Variants in C2CD2L observed in about 807,000 individuals in gnomAD.
C2CD2L encodes the protein C2CD2 like, also known as phospholipid transfer protein C2CD2L.
Under a neutral mutation model 69.9 loss-of-function variants are expected in C2CD2L, and 24 were observed. The observed-to-expected ratio is 0.34, with a 90% CI of 0.25 to 0.48. The LOEUF is 0.48. Among genes scored for constraint, C2CD2L ranks in the 20% least tolerant of loss-of-function variants. C2CD2L has a pLI of 0.99. For missense variants in C2CD2L, 811 were observed against 941.5 expected (o/e 0.86, Z 1.81); for synonymous variants, 367 against 391.0 (o/e 0.94, Z 0.72).
Position 119,116,155 on chromosome 11 carries a change from A to G in C2CD2L, c.2020A>G (p.Ser674Gly), listed in dbSNP as rs1207681002. ...DDLSNATATP[S>G]VRKKAGSFSR... Reference sequence around the variant, plus strand: ...CCTCTCCAACGCAACGGCCACGCCCAGTGTCCGAAAGAAGGCCGGCAGCTT... The same window carrying G: ...CCTCTCCAACGCAACGGCCACGCCCGGTGTCCGAAAGAAGGCCGGCAGCTT... Residue 674 changes from serine to glycine, a missense_variant, in exon 14 of 14, where the codon AGT becomes GGT. By Grantham distance (56) the Ser-to-Gly change is moderately conservative. Coordinates refer to ENST00000648610, the MANE Select transcript of C2CD2L (RefSeq NM_001290474.2). 16 of 1,614,116 alleles carry G rather than the reference A, an allele frequency of 9.9e-6. No homozygotes were observed. The highest frequency in any genetic ancestry group is 1.2e-5 in the Non-Finnish European group (14 of 1,180,026).
In C2CD2L at chr11:119,110,793, G is replaced by A; in HGVS notation, c.571-54G>A. ...CAGGAAGGGAGAGTCCTCGAATTAG[G>A]AGTCCTTGGGTAAATGGGGCAAGTC... On this transcript the variant is annotated intron_variant, in intron 3 of 13. Transcript: ENST00000648610. The surrounding 1 kb of genome is among the most constrained non-coding windows in gnomAD (Gnocchi z 5.7). 1 of 1,606,788 alleles carries A rather than the reference G, an allele frequency of 6.2e-7. No homozygotes were observed. The highest frequency in any genetic ancestry group is 8.5e-7 in the Non-Finnish European group (1 of 1,174,412).
At chr11:119,113,412 T>C (rs766041375) in intron 10 of C2CD2L, 199 bp from the exon 11 acceptor site, 10 of 692,906 alleles carry the variant, frequency 1.4e-5, no homozygotes, top group South Asian at 8.6e-5. Context: ...GCAGGCCCCA[T>C]GGCACTTTCC....
rs1267033441 is a variant in C2CD2L at position 119,110,711 on chromosome 11, C to T, written c.570+31C>T. On this transcript the variant is annotated intron_variant, in intron 3 of 13. Coordinates refer to ENST00000648610, the MANE Select transcript of C2CD2L (RefSeq NM_001290474.2). The surrounding 1 kb of genome is among the most constrained non-coding windows in gnomAD (Gnocchi z 5.7). ...AGGGGATGTGGGAAACTGAGTTGGG[C>T]AGGGGCGGTTCCATTGGCTCAGCTT... 6.2e-7 allele frequency: 1 copy of T among 1,612,908 alleles called. No individual in the cohort carries two copies. The highest frequency in any genetic ancestry group is 8.5e-7 in the Non-Finnish European group (1 of 1,179,300).
At position 119,118,072 on chromosome 11, in the gene C2CD2L, A is replaced by ATTTTTT. The variant is rs373847898; in HGVS notation, c.*1821_*1826dup. On this transcript the variant is annotated 3_prime_UTR_variant, in exon 14 of 14. Coordinates refer to ENST00000648610, the MANE Select transcript of C2CD2L (RefSeq NM_001290474.2). ...TATCCGGGAAGAATGGAGGGTATAG[A>ATTTTTT]TTTTTTTTTTCAATTAGATAATTTA... 1 of 150,628 alleles carries ATTTTTT rather than the reference A, an allele frequency of 6.6e-6. No homozygotes were observed. Among genetic ancestry groups the ATTTTTT allele is most frequent in the Non-Finnish European group, 1.5e-5 (1 of 67,562 alleles). 9.3% of individuals were successfully genotyped at this position (150,628 alleles called of 1,614,324 possible).
intron 7 of C2CD2L, chr11:119,112,054 T>G: frequency 4.0e-6 from 2 of 500,292 alleles, no homozygotes; most frequent in African/African-American, 2.0e-5. Flanking sequence ...CTGGAGCAAA[T>G]GAAAGAGGGT....
upstream of C2CD2L, chr11:119,102,469 G>A (rs889880852): frequency 8.0e-6 from 3 of 375,332 alleles, no homozygotes; most frequent in Admixed American, 1.1e-4. Context: ...CTCCCACTCT[G>A]TTTTTCTTGT....
rs748815354 is a variant in C2CD2L at position 119,112,684 on chromosome 11, T to C, written c.1213-16T>C. 8 of 1,611,686 alleles carry C rather than the reference T, an allele frequency of 5.0e-6. No homozygotes were observed. Among genetic ancestry groups the C allele is most frequent in the African/African-American group, 2.7e-5 (2 of 74,780 alleles). The stretch of plus-strand genomic sequence containing the variant: ...TCTCCGAGGCTCTGTCTCTTCTCTC[T>C]CCCACCCCTGGGCAGCTTCACTATG... On this transcript the variant is annotated splice_polypyrimidine_tract_variant and intron_variant, in intron 9 of 13. Coordinates refer to ENST00000648610, the MANE Select transcript of C2CD2L (RefSeq NM_001290474.2).
At chr11:119,108,727 ATGGGCATCTGGCCTCCCAGGAAG>A (rs1946659047) in intron 1 of C2CD2L, among the ~76,000 whole-genome samples, 1 of 152,196 alleles carries the variant, frequency 6.6e-6, no homozygotes, top group Non-Finnish European at 1.5e-5. Flanking sequence ...CCATTGCACC[ATGGGCATCTGGCCTCCCAGGAAG>A]TGGGGCAGGA....
Position 119,111,325 on chromosome 11 carries a change from G to A in C2CD2L, c.861G>A (p.Arg287=). The A allele has an allele frequency of 6.2e-7, 1 of 1,614,210 alleles. No individual in the cohort carries two copies. Among genetic ancestry groups the A allele is most frequent in the Non-Finnish European group, 8.5e-7 (1 of 1,180,036 alleles). Residue 287 remains arginine (R), a synonymous_variant, in exon 6 of 14, where the codon CGG becomes CGA. Transcript: ENST00000648610. ...AGCCAGCCATCCCCAGACCTAACCG[G>A]TTATTCCTACGGCAGCTTCGGGCAT... is the stretch of plus-strand genomic sequence containing the variant. ...QAQPAIPRPN[R]LFLRQLRASH...
chr11:119,107,045 G>C (rs1039561222), upstream of C2CD2L: 2 of 152,236 alleles, frequency 1.3e-5, no homozygotes, highest in African/African-American at 4.8e-5. This position sits in a 1 kb window ranked among gnomAD's most constrained non-coding sequence, Gnocchi z 5.4. Context: ...ATTTCCACAG[G>C]GGTCACCTCC....
chr11:119,113,756 C>A, intron 11 of C2CD2L, 44 bp downstream of exon 11: 1 of 1,611,682 alleles, frequency 6.2e-7, no homozygotes, highest in Non-Finnish European at 8.5e-7. Flanking sequence ...GGCCCTGGTG[C>A]CCCAGCATCA....
chr11:119,113,091 C>A, intron 10 of C2CD2L: 1 of 591,308 alleles, frequency 1.7e-6, no homozygotes. Flanking sequence ...CTCTGCCACC[C>A]TTCTGGATCC....
chr11:119,118,391 C>G lies in C2CD2L; in HGVS notation c.*2135C>G, dbSNP rs1184905967. 1 of 152,110 alleles carries G rather than the reference C, an allele frequency of 6.6e-6. No homozygotes were observed. The highest frequency in any genetic ancestry group is 1.5e-5 in the Non-Finnish European group (1 of 68,010). The allele number at this position is 152,110 out of a possible 1,614,324, so 9.4% of individuals were successfully genotyped here. Reference sequence around the variant, plus strand: ...TTATTTCACCGAGGATAATGGCCTCCAGTTCCACCCATGTTGCTGGAAAAC... The same window carrying G: ...TTATTTCACCGAGGATAATGGCCTCGAGTTCCACCCATGTTGCTGGAAAAC... On this transcript the variant is annotated 3_prime_UTR_variant, in exon 14 of 14. Transcript: ENST00000648610.
upstream of C2CD2L, among the ~76,000 whole-genome samples, chr11:119,106,387 A>C (rs191604340): frequency 6.0e-4 from 92 of 152,320 alleles, no homozygotes; most frequent in Non-Finnish European, 7.2e-4. Flanking sequence ...TCTTGGGAGA[A>C]TGTGAATTCC....
chr11:119,108,458 C>T (rs1404279570), intron 1 of C2CD2L: 1 of 214,310 alleles, frequency 4.7e-6, no homozygotes, highest in Non-Finnish European at 9.2e-6. Context: ...GCTTCTCATG[C>T]CACCACACCC....
At position 119,108,903 on chromosome 11, in the gene C2CD2L, T is replaced by C. The variant is rs72997395; in HGVS notation, c.354+808T>C. 8.6e-3 allele frequency among the ~76,000 whole-genome samples: 1,317 copies of C among 152,356 alleles called. 10 individuals are homozygous for C. The highest frequency in any genetic ancestry group is 0.015 in the Non-Finnish European group (1,030 of 68,032). ...GAGGGTTCTCTATTTCCAGCCACTA[T>C]GAGTTTGGAGGCTTTACCTTACTAG... On this transcript the variant is annotated intron_variant, in intron 1 of 13. Coordinates refer to ENST00000648610, the MANE Select transcript of C2CD2L (RefSeq NM_001290474.2).
intron 7 of C2CD2L, chr11:119,112,096 A>C (rs77751615): frequency 0.081 from 43,881 of 541,398 alleles, 3,179 homozygotes; most frequent in South Asian, 0.29. Context: ...CAAGACAGGA[A>C]GAGCAGGACC....
At position 119,107,727 on chromosome 11, in the gene C2CD2L, G is replaced by A. The variant is rs1418437039; in HGVS notation, c.-15G>A. Reference sequence around the variant, plus strand: ...TGAGCCCCAGCCGGGACCGGGATCGGAGCCCGCGCGGAGCATGGATCCGGG... The same window carrying A: ...TGAGCCCCAGCCGGGACCGGGATCGAAGCCCGCGCGGAGCATGGATCCGGG... On this transcript the variant is annotated 5_prime_UTR_variant, in exon 1 of 14. Coordinates refer to ENST00000648610, the MANE Select transcript of C2CD2L (RefSeq NM_001290474.2). This position sits in a 1 kb window ranked among gnomAD's most constrained non-coding sequence, Gnocchi z 5.4. 2.7e-6 allele frequency: 4 copies of A among 1,471,508 alleles called. No individual in the cohort carries two copies. Among genetic ancestry groups the A allele is most frequent in the Non-Finnish European group, 3.6e-6 (4 of 1,120,970 alleles). The allele number at this position is 1,471,508 out of a possible 1,614,324, so 91.2% of individuals were successfully genotyped here. A position where few individuals can be genotyped will look rare whatever the true frequency, so the allele number is the denominator to read the frequency against.
Position 119,107,681 on chromosome 11 carries a change from A to C in C2CD2L, c.-61A>C. The C allele has an allele frequency of 8.8e-7, 1 of 1,131,534 alleles. No homozygotes were observed. The highest frequency in any genetic ancestry group is 1.2e-6 in the Non-Finnish European group (1 of 861,436). The allele number at this position is 1,131,534 out of a possible 1,614,324, so 70.1% of individuals were successfully genotyped here. A position where few individuals can be genotyped will look rare whatever the true frequency, so the allele number is the denominator to read the frequency against. ...CTCCTCCCCGCGGCCCGCCCGGGCC[A>C]TGCTCCCCCGGGGCAGCGGGTGAGC... is the stretch of plus-strand genomic sequence containing the variant. On this transcript the variant is annotated 5_prime_UTR_variant, in exon 1 of 14. It removes an upstream start codon present in the reference 5' UTR. Transcript: ENST00000648610. The surrounding 1 kb of genome is among the most constrained non-coding windows in gnomAD (Gnocchi z 5.4).
Sources: allele counts gnomAD v4.1 joint callset (sites outside exome capture counted in the v4.1 genomes callset), GRCh38; gene constraint gnomAD v4.1.1; non-coding constraint Gnocchi (gnomAD v3.1); transcripts MANE v1.5; gene names NCBI Gene and HGNC (gene_info 2026-07-23, HGNC 2026-07-21).